The following TJP1 variants were observed in gnomAD, a reference collection of about 807,000 sequenced individuals.
TJP1 encodes the protein tight junction protein 1.
In TJP1, 43 loss-of-function variants were observed where a neutral mutation model predicts 194.2. The observed-to-expected ratio is 0.22, with a 90% confidence interval of 0.17 to 0.29. The LOEUF is 0.29. Among genes scored for constraint, TJP1 ranks in the 10% least tolerant of loss-of-function variants. TJP1 has a pLI of 1.00. For synonymous variants in TJP1, 801 were observed against 779.0 expected, an observed-to-expected ratio of 1.03 and a Z score of -0.47; for missense variants, 1,971 against 2,185.7, an observed-to-expected ratio of 0.90 and a Z score of 1.96.
At chr15:29,899,798 A>G (rs1320724991) in intron 2 of TJP1, among the ~76,000 whole-genome samples, 3 of 152,170 alleles carry the variant, frequency 2.0e-5, no homozygotes, top group Non-Finnish European at 4.4e-5. Context: ...ACTCACCCAC[A>G]CACTAACACA....
chr15:29,889,468 G>C (rs532828249), intron 2 of TJP1, among the ~76,000 whole-genome samples: 14 of 152,256 alleles, frequency 9.2e-5, no homozygotes, highest in African/African-American at 3.1e-4. Context: ...AAAATAATTA[G>C]ATTCATTAAT....
At chr15:29,837,887 T>A (rs1002101733) in intron 2 of TJP1, among the ~76,000 whole-genome samples, 1 of 152,192 alleles carries the variant, frequency 6.6e-6, no homozygotes, top group African/African-American at 2.4e-5. Context: ...ATTCCTGGTA[T>A]CAATCCAATG....
At chr15:29,796,368 T>C (rs574408491) in intron 2 of TJP1, among the ~76,000 whole-genome samples, 141 of 148,918 alleles carry the variant, frequency 9.5e-4, no homozygotes, top group African/African-American at 3.4e-3. Flanking sequence ...AAAACCTGCA[T>C]TTCTACACAG....
chr15:29,721,893 A>C (rs1431837372), intron 18 of TJP1, among the ~76,000 whole-genome samples: 1 of 152,164 alleles, frequency 6.6e-6, no homozygotes, highest in Non-Finnish European at 1.5e-5. Flanking sequence ...TGCTCTAGTG[A>C]TCTGTGGAAC....
chr15:29,745,089 A>G (rs1367849576), intron 8 of TJP1, among the ~76,000 whole-genome samples: 1 of 152,150 alleles, frequency 6.6e-6, no homozygotes, highest in African/African-American at 2.4e-5. Flanking sequence ...AGTCATTCCT[A>G]AACAAAAACT....
At chr15:29,877,967 G>A (rs1401510647) in intron 2 of TJP1, among the ~76,000 whole-genome samples, 5 of 151,110 alleles carry the variant, frequency 3.3e-5, no homozygotes, top group African/African-American at 4.9e-5. Flanking sequence ...CCGCCCGGCC[G>A]ATTATTTCAT....
chr15:29,842,183 A>AT (rs1255674217), intron 2 of TJP1, among the ~76,000 whole-genome samples: 1 of 152,192 alleles, frequency 6.6e-6, no homozygotes, highest in Non-Finnish European at 1.5e-5. Flanking sequence ...AGGTTCATTG[A>AT]TATAAACAAG....
chr15:29,715,372 T>C (rs2042499773), intron 23 of TJP1, among the ~76,000 whole-genome samples: 1 of 152,224 alleles, frequency 6.6e-6, no homozygotes, highest in South Asian at 2.1e-4. Flanking sequence ...TGCTTTCTTC[T>C]GTAAACATAA....
chr15:29,760,248 G>A, intron 8 of TJP1: 1 of 702,202 alleles, frequency 1.4e-6, no homozygotes, highest in South Asian at 1.5e-5. Flanking sequence ...ATGTGCACAT[G>A]CACATTTTTC....
Position 29,704,238 on chromosome 15 carries a change from C to T in TJP1, c.5136G>A (p.Glu1712=), listed in dbSNP as rs1291015794. ...TGGACGCACAGTGTGGTAAGCGCAGCTCCACAGGCTTCAGGAACTTGAGGC... is the reference window on the plus strand; with the variant it reads ...TGGACGCACAGTGTGGTAAGCGCAGTTCCACAGGCTTCAGGAACTTGAGGC... ...PHGLKFLKPV[E]LRLPHCASMT... The change falls in exon 27 of 28, where the codon GAG becomes GAA. Residue 1712 remains glutamate (E), a synonymous_variant. Transcript: ENST00000614355. The T allele has an allele frequency of 7.5e-6, 12 of 1,596,906 alleles. No individual in the cohort carries two copies. The highest frequency in any genetic ancestry group is 1.0e-5 in the Non-Finnish European group (12 of 1,171,936).
chr15:29,853,092 A>G (rs1285105881), intron 2 of TJP1, among the ~76,000 whole-genome samples: 1 of 152,236 alleles, frequency 6.6e-6, no homozygotes, highest in Non-Finnish European at 1.5e-5. Context: ...TGATACATGC[A>G]ACAACTTGGA....
At chr15:29,919,146 T>C (rs1719338) in intron 2 of TJP1, among the ~76,000 whole-genome samples, 39,003 of 151,866 alleles carry the variant, frequency 0.26, 5,227 homozygotes, top group East Asian at 0.35. Flanking sequence ...GATGCTAGAG[T>C]AGAACAATGT....
intron 8 of TJP1, among the ~76,000 whole-genome samples, chr15:29,757,432 T>TA (rs577380695): frequency 8.6e-5 from 13 of 151,864 alleles, no homozygotes; most frequent in Admixed American, 2.0e-4. Context: ...CAAAATTAAA[T>TA]AAAAAAAACA....
intron 2 of TJP1, among the ~76,000 whole-genome samples, chr15:29,930,694 C>T (rs80138956): frequency 1.3e-5 from 2 of 150,086 alleles, no homozygotes; most frequent in African/African-American, 2.5e-5. Flanking sequence ...CTATCAATCA[C>T]AGCCTCCATT....
chr15:29,920,189 A>G (rs1260350197), intron 2 of TJP1, among the ~76,000 whole-genome samples: 1 of 152,246 alleles, frequency 6.6e-6, no homozygotes, highest in Non-Finnish European at 1.5e-5. Flanking sequence ...CCTGCTTCAG[A>G]GACCAGTGCT....
chr15:29,883,278 G>GGGT (rs199585479), intron 2 of TJP1, among the ~76,000 whole-genome samples: 1 of 152,068 alleles, frequency 6.6e-6, no homozygotes, highest in Non-Finnish European at 1.5e-5. Flanking sequence ...TCCGTTTCCT[G>GGGT]CAGCCCTGGG....
intron 20 of TJP1, 144 bp from the exon 21 acceptor site, chr15:29,719,282 T>A: frequency 1.9e-6 from 2 of 1,051,138 alleles, no homozygotes; most frequent in South Asian, 4.2e-5. Flanking sequence ...ACAAGATTAG[T>A]GGAAAAAGCT....
intron 2 of TJP1, among the ~76,000 whole-genome samples, chr15:29,872,040 C>T (rs1263026299): frequency 6.6e-6 from 1 of 152,176 alleles, no homozygotes; most frequent in East Asian, 1.9e-4. Flanking sequence ...GAAGGCCAGG[C>T]ATTTACACAG....
At chr15:29,828,398 C>A (rs71470922) in intron 2 of TJP1, among the ~76,000 whole-genome samples, 12,884 of 151,308 alleles carry the variant, frequency 0.085, 750 homozygotes, top group Non-Finnish European at 0.13. Flanking sequence ...ACAACAACAA[C>A]AAAAAAATAT....
Sources: gnomAD v4.1 joint callset for allele counts (sites outside exome capture counted in the v4.1 genomes callset) on GRCh38, gnomAD v4.1.1 for gene constraint, MANE v1.5 for transcripts, NCBI Gene and HGNC (gene_info 2026-07-23, HGNC 2026-07-21) for gene names.